The following PLXNA4 variants were observed in gnomAD, a reference collection of about 807,000 sequenced individuals.
PLXNA4 encodes the protein plexin-A4.
A neutral mutation model predicts 191.8 loss-of-function variants in PLXNA4; 44 were observed. That is an observed-to-expected ratio of 0.23 (90% CI 0.18 to 0.29). The LOEUF is 0.29. Ranked by LOEUF, PLXNA4 falls within the 10% of genes least tolerant of loss-of-function variation. PLXNA4 has a pLI of 1.00. For synonymous variants in PLXNA4, 1,082 were observed against 1,009.5 expected, an observed-to-expected ratio of 1.07 and a Z score of -1.36; for missense variants, 1,800 against 2,488.8, an observed-to-expected ratio of 0.72 and a Z score of 5.89.
intron 2 of PLXNA4, among the ~76,000 whole-genome samples, chr7:132,494,010 T>TA (rs1323533210): frequency 2.0e-5 from 3 of 152,222 alleles, no homozygotes; most frequent in Non-Finnish European, 4.4e-5. Flanking sequence ...GAGGATTAAA[T>TA]AATTTAAAAC....
intron 13 of PLXNA4, among the ~76,000 whole-genome samples, chr7:132,195,198 G>C (rs2116827889): frequency 6.6e-6 from 1 of 152,130 alleles, no homozygotes; most frequent in African/African-American, 2.4e-5. Context: ...TAAAATAAAA[G>C]CAAAACATAA....
intron 3 of PLXNA4, chr7:132,366,161 C>G (rs560176563): frequency 3.9e-5 from 6 of 152,216 alleles, no homozygotes; most frequent in Non-Finnish European, 7.3e-5. Flanking sequence ...TTCCTCACTT[C>G]CAGGACCAAG....
At chr7:132,475,404 C>T (rs1218088656) in intron 3 of PLXNA4, among the ~76,000 whole-genome samples, 1 of 152,234 alleles carries the variant, frequency 6.6e-6, no homozygotes, top group Non-Finnish European at 1.5e-5. Flanking sequence ...AGAAACGGAA[C>T]CCCCTCTAAG....
chr7:132,126,097 A>AAGAC lies in PLXNA4; in HGVS notation c.*4378_*4381dup, dbSNP rs927027203. The AAGAC allele has an allele frequency of 1.2e-4, 19 of 152,406 alleles. No homozygotes were observed. Among genetic ancestry groups the AAGAC allele is most frequent in the African/African-American group, 4.6e-4 (19 of 41,436 alleles). 9.4% of individuals were successfully genotyped at this position (152,406 alleles called of 1,614,324 possible). Reference sequence around the variant, plus strand: ...CTGTGTCCCCTTGGTCCTGGGAAAGAAGACAGATGGAAATTGAGCTTTTCT... The same window carrying AAGAC: ...CTGTGTCCCCTTGGTCCTGGGAAAGAAGACAGACAGATGGAAATTGAGCTTTTCT... On this transcript the variant is annotated 3_prime_UTR_variant, in exon 32 of 32. Transcript: ENST00000321063.
intron 3 of PLXNA4, among the ~76,000 whole-genome samples, chr7:132,380,226 C>T (rs897846860): frequency 1.3e-5 from 2 of 152,190 alleles, no homozygotes; most frequent in African/African-American, 4.8e-5. Flanking sequence ...TTATCCATTG[C>T]TCAACTCCCT....
chr7:132,466,315 C>A (rs1204890258), intron 3 of PLXNA4, among the ~76,000 whole-genome samples: 1 of 152,150 alleles, frequency 6.6e-6, no homozygotes, highest in Non-Finnish European at 1.5e-5. Context: ...ATGATGAGGA[C>A]CCGTATGGGC....
intron 4 of PLXNA4, among the ~76,000 whole-genome samples, chr7:132,269,736 T>C (rs551821205): frequency 1.3e-5 from 2 of 152,304 alleles, no homozygotes; most frequent in African/African-American, 4.8e-5. Context: ...ATTTTTGTCT[T>C]TTTCTGGGAA....
At chr7:132,527,513 C>A (rs12532757) in intron 1 of PLXNA4, among the ~76,000 whole-genome samples, 4,994 of 107,520 alleles carry the variant, frequency 0.046, 234 homozygotes, top group African/African-American at 0.14. Context: ...AAGGGCAGCA[C>A]AATGTGTCAC....
At chr7:132,215,259 T>C (rs1214485409) in intron 9 of PLXNA4, among the ~76,000 whole-genome samples, 1 of 152,146 alleles carries the variant, frequency 6.6e-6, no homozygotes, top group African/African-American at 2.4e-5. Context: ...TTCTGGGAAG[T>C]GACATTGTAA....
intron 2 of PLXNA4, among the ~76,000 whole-genome samples, chr7:132,626,592 G>A (rs558792484): frequency 5.3e-5 from 8 of 152,206 alleles, no homozygotes; most frequent in East Asian, 1.9e-4. Flanking sequence ...CTCCTGCTCC[G>A]GCCATGTAAT....
At chr7:132,467,985 C>T (rs1429118223) in intron 3 of PLXNA4, among the ~76,000 whole-genome samples, 1 of 152,230 alleles carries the variant, frequency 6.6e-6, no homozygotes, top group Non-Finnish European at 1.5e-5. Flanking sequence ...CACACTTGCA[C>T]ACACATGCAC....
chr7:132,644,808 T>C (rs1563202533), intron 2 of PLXNA4, among the ~76,000 whole-genome samples: 1 of 152,148 alleles, frequency 6.6e-6, no homozygotes, highest in Non-Finnish European at 1.5e-5. Context: ...AGTGCTTTAT[T>C]AGGACCTTTG....
chr7:132,341,054 G>T (rs1803008044), intron 3 of PLXNA4, among the ~76,000 whole-genome samples: 1 of 152,162 alleles, frequency 6.6e-6, no homozygotes, highest in African/African-American at 2.4e-5. Flanking sequence ...GGAGGAAGCT[G>T]TAGAACATTT....
At chr7:132,450,456 C>T (rs1376339083) in intron 3 of PLXNA4, among the ~76,000 whole-genome samples, 1 of 152,176 alleles carries the variant, frequency 6.6e-6, no homozygotes. Flanking sequence ...CCGTAAATGC[C>T]TCTGACACAC....
In PLXNA4 at chr7:132,232,106, T is replaced by C. The variant is rs10464714; in HGVS notation, c.1605-3637A>G. Among the ~76,000 whole-genome samples, 148 of 152,264 alleles carry C rather than the reference T, an allele frequency of 9.7e-4. 1 individual carries two copies. In the East Asian group the frequency reaches 0.024, roughly 24 times the overall value. On this transcript the variant is annotated intron_variant, in intron 5 of 31. Transcript: ENST00000321063. ...TTTCTTGTGGGGTCTGTCAAGGGAA[T>C]GGTCTTCTGCTTTTCTAGGACTGCA...
intron 2 of PLXNA4, among the ~76,000 whole-genome samples, chr7:132,603,762 C>T (rs142634805): frequency 1.0e-3 from 152 of 152,208 alleles, no homozygotes; most frequent in Admixed American, 3.3e-3. Flanking sequence ...CTGTGAGGAC[C>T]GGTGTATATT....
intron 21 of PLXNA4, among the ~76,000 whole-genome samples, chr7:132,174,493 G>T (rs1292415789): frequency 1.3e-5 from 2 of 152,194 alleles, no homozygotes; most frequent in African/African-American, 4.8e-5. Context: ...CTGTGCATAT[G>T]TAGTTTTTTC....
intron 1 of PLXNA4, among the ~76,000 whole-genome samples, chr7:132,567,437 G>T (rs1459561603): frequency 6.6e-6 from 1 of 152,070 alleles, no homozygotes; most frequent in Non-Finnish European, 1.5e-5. Context: ...GATGCTGGAG[G>T]GTAACTGAGG....
intron 4 of PLXNA4, among the ~76,000 whole-genome samples, chr7:132,257,802 T>C (rs75442747): frequency 0.051 from 7,795 of 152,284 alleles, 232 homozygotes; most frequent in Middle Eastern, 0.086. Flanking sequence ...GGCCATGTTT[T>C]CCGAGGCGTC....
Sources: allele counts gnomAD v4.1 joint callset (sites outside exome capture counted in the v4.1 genomes callset), GRCh38; gene constraint gnomAD v4.1.1; transcripts MANE v1.5; gene names NCBI Gene and HGNC (gene_info 2026-07-23, HGNC 2026-07-21).